The following RFX7 variants were observed in gnomAD, a reference collection of about 807,000 sequenced individuals.
RFX7 encodes the protein regulatory factor X7, also known as DNA-binding protein RFX7.
Under a neutral mutation model 111.8 loss-of-function variants are expected in RFX7, and 26 were observed. The ratio of observed to expected loss-of-function variants is 0.23; its 90% CI spans 0.17 to 0.32. The LOEUF (loss-of-function observed/expected upper bound fraction) is 0.32, where lower values mean the gene tolerates loss of function less well. RFX7 is among the 10% of genes least tolerant of loss of function. The pLI is 1.00. For missense variants in RFX7, 1,573 were observed against 1,772.9 expected (o/e 0.89, Z 2.02); for synonymous variants, 624 against 624.4 (o/e 1.00, Z 0.01).
At position 56,116,819 on chromosome 15, in the gene RFX7, TAAATTGTACAAACATTGTACAGTTGTAC is replaced by T. The variant is rs1211940267; in HGVS notation, c.402-13177_402-13150del. On this transcript the variant is annotated intron_variant, in intron 5 of 9. Transcript: ENST00000559447. ...GTGTGAATGAATAAACTAAAATGCA[TAAATTGTACAAACATTGTACAGTTGTAC>T]AAATTGTACAAACATTGTACAGTTG... Among the ~76,000 whole-genome samples the T allele has an allele frequency of 3.1e-3, 465 of 152,082 alleles. 4 individuals are homozygous for T. Among genetic ancestry groups the T allele is most frequent in the African/African-American group, 9.1e-3 (377 of 41,460 alleles).
At chr15:56,162,135 T>A (rs2042727029) in intron 3 of RFX7, among the ~76,000 whole-genome samples, 1 of 152,064 alleles carries the variant, frequency 6.6e-6, no homozygotes, top group Non-Finnish European at 1.5e-5. Context: ...TTTTTCAGCA[T>A]GTAAAAAAAT....
intron 9 of RFX7, 64 bp from the exon 10 acceptor site, chr15:56,096,684 C>G: frequency 7.0e-7 from 1 of 1,423,520 alleles, no homozygotes; most frequent in East Asian, 2.5e-5. Context: ...ATTCATGTAT[C>G]TGTATATACT....
At chr15:56,131,257 A>T (rs2034019) in intron 5 of RFX7, among the ~76,000 whole-genome samples, 140,665 of 147,834 alleles carry the variant, frequency 0.95, 67,362 homozygotes, top group East Asian at 1. Flanking sequence ...GAAATAAGAG[A>T]TTATATTAGG....
rs2041690278 is a variant in RFX7 at position 56,097,146 on chromosome 15, T to C, written c.1108-526A>G. On this transcript the variant is annotated intron_variant, in intron 9 of 9. Transcript: ENST00000559447. ...ATTTCATATTTTAATAACACGATGA[T>C]GATAATAGGAACAAGAAAAACGACA... is the stretch of plus-strand genomic sequence containing the variant. Among the ~76,000 whole-genome samples the C allele has an allele frequency of 3.3e-5, 5 of 152,182 alleles. No homozygotes were observed. In the South Asian group the frequency reaches 1.0e-3, roughly 32 times the overall value.
rs2041654849 is a variant in RFX7 at position 56,095,135 on chromosome 15, C to T, written c.2593G>A (p.Glu865Lys). The change falls in exon 10 of 10, where the codon GAG (glutamate) becomes AAG (lysine). Residue 865 changes from glutamate to lysine, a missense_variant. Glu to Lys is a moderately conservative substitution (Grantham distance 56, BLOSUM62 1). This residue lies in a region of RFX7 where 625 missense variants were observed against 632.2 expected (regional missense o/e 0.99). Transcript: ENST00000559447. ...LPLQSELKEFEPSVSQTNESY... is the reference protein window; with the variant it reads ...LPLQSELKEFKPSVSQTNESY... ...TCATTTGTCTGGGAAACAGAAGGCT[C>T]AAACTCCTTCAGTTCAGATTGCAGA... 1 of 1,613,852 alleles carries T rather than the reference C, an allele frequency of 6.2e-7. No individual in the cohort carries two copies. The highest frequency in any genetic ancestry group is 8.5e-7 in the Non-Finnish European group (1 of 1,179,772).
chr15:56,186,749 T>C (rs1326175757), intron 2 of RFX7, among the ~76,000 whole-genome samples: 3 of 152,090 alleles, frequency 2.0e-5, no homozygotes, highest in Non-Finnish European at 2.9e-5. Context: ...TTTATACCAG[T>C]GTTAATGGAA....
chr15:56,162,456 G>T (rs1383403029), intron 3 of RFX7, among the ~76,000 whole-genome samples: 1 of 151,988 alleles, frequency 6.6e-6, no homozygotes. Flanking sequence ...ACATATTAAT[G>T]AAAATTGCAT....
At chr15:56,176,577 G>C (rs937167516) in intron 3 of RFX7, among the ~76,000 whole-genome samples, 9 of 152,130 alleles carry the variant, frequency 5.9e-5, no homozygotes, top group African/African-American at 1.9e-4. Flanking sequence ...TCTATTTCCA[G>C]CAAAACCATC....
chr15:56,181,481 G>C (rs1327396460), intron 2 of RFX7, among the ~76,000 whole-genome samples: 1 of 151,980 alleles, frequency 6.6e-6, no homozygotes, highest in Non-Finnish European at 1.5e-5. Context: ...TAGAATTTAA[G>C]CTTCATGATA....
intron 2 of RFX7, among the ~76,000 whole-genome samples, chr15:56,222,101 T>C (rs1324439566): frequency 6.6e-6 from 1 of 152,214 alleles, no homozygotes; most frequent in Non-Finnish European, 1.5e-5. Flanking sequence ...AAAATGTCTA[T>C]TTTGTTTACA....
Position 56,110,201 on chromosome 15 carries a change from T to C in RFX7, c.402-6531A>G, listed in dbSNP as rs1292143065. On this transcript the variant is annotated intron_variant, in intron 5 of 9. Coordinates refer to ENST00000559447, the MANE Select transcript of RFX7 (RefSeq NM_022841.7). ...CCAGGAGGTGAGGGGAGCCTCTGCCTGGCCGCCCCTACTGGGAAGTGAGGA... is the reference window on the plus strand; with the variant it reads ...CCAGGAGGTGAGGGGAGCCTCTGCCCGGCCGCCCCTACTGGGAAGTGAGGA... Among the ~76,000 whole-genome samples, 181 of 80,714 alleles carry C rather than the reference T, an allele frequency of 2.2e-3. 1 individual carries two copies. Among genetic ancestry groups the C allele is most frequent in the African/African-American group, 3.5e-3 (76 of 21,704 alleles). 53.0% of individuals were successfully genotyped at this position (80,714 alleles called of 152,430 possible). A position where few individuals can be genotyped will look rare whatever the true frequency, so the allele number is the denominator to read the frequency against.
Position 56,102,216 on chromosome 15 carries a change from G to C in RFX7, c.556C>G (p.His186Asp). The change falls in exon 7 of 10, where the codon CAT becomes GAT. Residue 186 changes from histidine to aspartate, a missense_variant. Physicochemically the swap from His to Asp is moderately conservative, Grantham distance 81 (BLOSUM62 -1). Coordinates refer to ENST00000559447, the MANE Select transcript of RFX7 (RefSeq NM_022841.7). ...YSGLRKKAFV[H>D]MPTLPNLDFH... ...TCAAGGTTGGGCAGTGTTGGCATAT[G>C]AACAAAAGCTTTTTTTCTTAGTCCA... The C allele has an allele frequency of 6.2e-7, 1 of 1,612,718 alleles. No individual in the cohort carries two copies. Among genetic ancestry groups the C allele is most frequent in the Non-Finnish European group, 8.5e-7 (1 of 1,179,174 alleles).
intron 3 of RFX7, among the ~76,000 whole-genome samples, chr15:56,178,210 CAA>C (rs1322094066): frequency 2.5e-4 from 30 of 117,700 alleles, no homozygotes; most frequent in Admixed American, 2.4e-3. Context: ...CACACACACA[CAA>C]CAAAAAGAAG....
intron 3 of RFX7, among the ~76,000 whole-genome samples, chr15:56,173,693 T>C (rs778438776): frequency 1.0e-4 from 15 of 149,940 alleles, no homozygotes; most frequent in Non-Finnish European, 2.2e-4. Flanking sequence ...ACTCCGGAGG[T>C]TGAGGCAGGA....
At chr15:56,113,655 A>T (rs576899096) in intron 5 of RFX7, among the ~76,000 whole-genome samples, 74 of 135,854 alleles carry the variant, frequency 5.4e-4, no homozygotes, top group Admixed American at 7.1e-4. Context: ...CCCGGAATGT[A>T]GAGTAAAATA....
intron 2 of RFX7, among the ~76,000 whole-genome samples, chr15:56,238,534 C>T (rs959249533): frequency 2.0e-5 from 3 of 152,088 alleles, no homozygotes; most frequent in African/African-American, 7.2e-5. Flanking sequence ...TCTTATAGGT[C>T]TTCTGTCATT....
Position 56,088,863 on chromosome 15 carries a change from T to C in RFX7, c.*4482A>G, listed in dbSNP as rs1440709230. The C allele has an allele frequency of 6.6e-6, 1 of 152,180 alleles. No individual in the cohort carries two copies. Among genetic ancestry groups the C allele is most frequent in the Non-Finnish European group, 1.5e-5 (1 of 68,034 alleles). 9.4% of individuals were successfully genotyped at this position (152,180 alleles called of 1,614,324 possible). A position where few individuals can be genotyped will look rare whatever the true frequency, so the allele number is the denominator to read the frequency against. ...TAGTTCGGCAGATTTCAAATTCTTA[T>C]TTTTTCTTCTACATAGTGTAGTATA... On this transcript the variant is annotated 3_prime_UTR_variant, in exon 10 of 10. Coordinates refer to ENST00000559447, the MANE Select transcript of RFX7 (RefSeq NM_022841.7).
At chr15:56,236,376 G>A (rs2043623853) in intron 2 of RFX7, among the ~76,000 whole-genome samples, 2 of 152,058 alleles carry the variant, frequency 1.3e-5, no homozygotes, top group Admixed American at 1.3e-4. Flanking sequence ...TCCTACCCAA[G>A]GCAGGAAGAT....
At chr15:56,123,702 C>T (rs2042106438) in intron 5 of RFX7, among the ~76,000 whole-genome samples, 2 of 152,198 alleles carry the variant, frequency 1.3e-5, no homozygotes, top group Non-Finnish European at 2.9e-5. Context: ...CTCCAGAGCA[C>T]TTTAGCCTGC....
Sources: gnomAD v4.1 joint callset for allele counts (sites outside exome capture counted in the v4.1 genomes callset) on GRCh38, gnomAD v4.1.1 for gene constraint, gnomAD v4.1.1 regional missense constraint, MANE v1.5 for transcripts, NCBI Gene and HGNC (gene_info 2026-07-23, HGNC 2026-07-21) for gene names.